GPC5: variants seen among roughly 807,000 people sequenced by gnomAD.
The protein encoded by GPC5 is glypican 5, also known as glypican-5.
A neutral mutation model predicts 53.9 loss-of-function variants in GPC5; 47 were observed. The ratio of observed to expected loss-of-function variants is 0.87; its 90% CI spans 0.69 to 1.11. GPC5 has a LOEUF of 1.11. Among genes scored for constraint, GPC5 ranks in the 50% most tolerant of loss-of-function variants. GPC5 has a pLI of 0.00. For synonymous variants in GPC5, 286 were observed against 263.3 expected (o/e 1.09, Z -0.84); for missense variants, 748 against 713.1 (o/e 1.05, Z -0.56).
At chr13:92,644,658 T>G (rs769028490) in intron 7 of GPC5, among the ~76,000 whole-genome samples, 40 of 152,160 alleles carry the variant, frequency 2.6e-4, no homozygotes, top group Non-Finnish European at 5.3e-4. Flanking sequence ...CTCAAAATTT[T>G]GTCATGAGAA....
intron 7 of GPC5, among the ~76,000 whole-genome samples, chr13:92,267,329 C>G (rs1024583995): frequency 1.3e-5 from 2 of 151,906 alleles, no homozygotes; most frequent in Admixed American, 6.6e-5. Flanking sequence ...CAATCATTAC[C>G]ACTTCAGAAT....
chr13:92,546,794 A>T (rs564037224), intron 7 of GPC5, among the ~76,000 whole-genome samples: 1 of 152,360 alleles, frequency 6.6e-6, no homozygotes, highest in East Asian at 1.9e-4. Flanking sequence ...TAACCAAAAC[A>T]GCATGGTACT....
chr13:91,646,188 T>G (rs1046388696), intron 2 of GPC5, among the ~76,000 whole-genome samples: 1 of 152,170 alleles, frequency 6.6e-6, no homozygotes, highest in African/African-American at 2.4e-5. Flanking sequence ...TCAGGTTATT[T>G]GAAGCAAAGT....
rs531284853 is a variant in GPC5 at position 91,504,562 on chromosome 13, A to G, written c.325+55640A>G. Among the ~76,000 whole-genome samples, 17 of 152,308 alleles carry G rather than the reference A, an allele frequency of 1.1e-4. 1 individual carries two copies. The highest frequency in any genetic ancestry group is 6.5e-4 in the Admixed American group (10 of 15,282). ...AGCAACTACTTCGAAAATAAAAGCA[A>G]ATAATAAAGGATGTTATGCAGAGTG... On this transcript the variant is annotated intron_variant, in intron 2 of 7. Coordinates refer to ENST00000377067, the MANE Select transcript of GPC5 (RefSeq NM_004466.6).
intron 6 of GPC5, among the ~76,000 whole-genome samples, chr13:91,965,172 T>A (rs1246939421): frequency 1.3e-5 from 2 of 151,924 alleles, no homozygotes; most frequent in East Asian, 3.9e-4. Context: ...ACATGGCAAA[T>A]GTATACATGT....
intron 1 of GPC5, among the ~76,000 whole-genome samples, chr13:91,423,768 A>T (rs1468509156): frequency 6.6e-6 from 1 of 152,252 alleles, no homozygotes; most frequent in African/African-American, 2.4e-5. Flanking sequence ...GGTTAGAGAT[A>T]TGTTAATTAA....
At chr13:91,445,638 C>A (rs1026856289) in intron 1 of GPC5, among the ~76,000 whole-genome samples, 5 of 152,020 alleles carry the variant, frequency 3.3e-5, no homozygotes, top group Admixed American at 6.6e-5. Flanking sequence ...CCATGCCCAG[C>A]TAATTTTTGT....
chr13:92,685,559 A>ATTTT (rs1887243081), intron 7 of GPC5, among the ~76,000 whole-genome samples: 1 of 104,586 alleles, frequency 9.6e-6, no homozygotes. Flanking sequence ...TTTTTTTTTT[A>ATTTT]ATTTTTTTTT....
intron 7 of GPC5, among the ~76,000 whole-genome samples, chr13:92,234,646 T>A (rs899657071): frequency 6.6e-6 from 1 of 152,102 alleles, no homozygotes; most frequent in Non-Finnish European, 1.5e-5. Flanking sequence ...ATTGTAAAAC[T>A]AGTAGAAGAT....
intron 6 of GPC5, among the ~76,000 whole-genome samples, chr13:92,022,602 T>G (rs1477147048): frequency 6.6e-6 from 1 of 151,916 alleles, no homozygotes; most frequent in Non-Finnish European, 1.5e-5. Context: ...TAATAAAAAA[T>G]TAAATAATAA....
chr13:91,896,096 C>T (rs1458590059), intron 5 of GPC5, among the ~76,000 whole-genome samples: 1 of 151,296 alleles, frequency 6.6e-6, no homozygotes, highest in Non-Finnish European at 1.5e-5. Flanking sequence ...TGGATAATCC[C>T]CCCATTTAAA....
chr13:91,525,859 G>A (rs1023039319), intron 2 of GPC5, among the ~76,000 whole-genome samples: 2 of 152,190 alleles, frequency 1.3e-5, no homozygotes, highest in South Asian at 4.1e-4. Context: ...TGATCTGAAT[G>A]TATAGTTTAC....
chr13:92,300,309 A>G (rs4573803), intron 7 of GPC5, among the ~76,000 whole-genome samples: 16 of 152,188 alleles, frequency 1.1e-4, no homozygotes, highest in African/African-American at 2.9e-4. Context: ...GTTCTCTCCA[A>G]TTCCACCTTT....
chr13:92,665,797 CT>C (rs1238959325), intron 7 of GPC5, among the ~76,000 whole-genome samples: 2 of 152,142 alleles, frequency 1.3e-5, no homozygotes, highest in African/African-American at 2.4e-5. Flanking sequence ...TACCAAATGC[CT>C]TATGTGTACT....
At chr13:91,611,105 G>C (rs1280756161) in intron 2 of GPC5, among the ~76,000 whole-genome samples, 2 of 152,138 alleles carry the variant, frequency 1.3e-5, no homozygotes, top group African/African-American at 4.8e-5. Flanking sequence ...GTAATATAAT[G>C]ACATTAGTTA....
At chr13:91,952,889 T>C (rs141428130) in intron 6 of GPC5, among the ~76,000 whole-genome samples, 9 of 152,314 alleles carry the variant, frequency 5.9e-5, no homozygotes, top group African/African-American at 2.2e-4. Flanking sequence ...GATGTATTAC[T>C]CTGTTTTGTA....
intron 2 of GPC5, among the ~76,000 whole-genome samples, chr13:91,641,644 A>G (rs116041963): frequency 0.023 from 3,536 of 152,308 alleles, 143 homozygotes; most frequent in African/African-American, 0.079. Flanking sequence ...TTCTCTTCTA[A>G]AGGTTTGCAC....
rs114851232 is a variant in GPC5, at chr13:91,466,773, A to G, written c.325+17851A>G. 2.4e-3 allele frequency among the ~76,000 whole-genome samples: 369 copies of G among 152,228 alleles called. 1 individual carries two copies. The highest frequency in any genetic ancestry group is 8.5e-3 in the African/African-American group (353 of 41,540). On this transcript the variant is annotated intron_variant, in intron 2 of 7. Coordinates refer to ENST00000377067, the MANE Select transcript of GPC5 (RefSeq NM_004466.6). ...CTAGGATCAACATGAGTCTTGCAAG[A>G]GAGTACTTTCAGGGACTGATTTACA...
At chr13:92,641,055 C>G in intron 7 of GPC5, among the ~76,000 whole-genome samples, 1 of 152,026 alleles carries the variant, frequency 6.6e-6, no homozygotes, top group East Asian at 1.9e-4. Flanking sequence ...AGAAATATCA[C>G]GAGAATACTT....
Sources: allele counts gnomAD v4.1 joint callset (sites outside exome capture counted in the v4.1 genomes callset), GRCh38; gene constraint gnomAD v4.1.1; transcripts MANE v1.5; gene names NCBI Gene and HGNC (gene_info 2026-07-23, HGNC 2026-07-21).